FANCA: variants seen among roughly 807,000 people sequenced by gnomAD.
FANCA encodes the protein FA complementation group A.
A neutral mutation model predicts 194.3 loss-of-function variants in FANCA; 236 were observed. The observed-to-expected ratio is 1.21, with a 90% CI of 1.09 to 1.35. The LOEUF (loss-of-function observed/expected upper bound fraction) is 1.35. FANCA is among the 40% of genes most tolerant of loss of function. The pLI is 0.00. For synonymous variants in FANCA, 1,014 were observed against 715.8 expected (o/e 1.42, Z -6.65); for missense variants, 2,628 against 1,813.9 (o/e 1.45, Z -8.15).
chr16:89,813,305 T>A (rs12709099), intron 3 of FANCA, among the ~76,000 whole-genome samples: 1 of 151,212 alleles, frequency 6.6e-6, no homozygotes, highest in African/African-American at 2.4e-5. Flanking sequence ...CTACTCAAGA[T>A]GCTGGGGTGG....
At chr16:89,805,085 G>A (rs1188779115) in intron 7 of FANCA, among the ~76,000 whole-genome samples, 195 bp downstream of exon 7, 1 of 152,086 alleles carries the variant, frequency 6.6e-6, no homozygotes, top group Non-Finnish European at 1.5e-5. Context: ...TGTCAAGGCC[G>A]ACTTACTAGT....
At chr16:89,770,830 C>G (rs564471570) in intron 23 of FANCA, among the ~76,000 whole-genome samples, 196 bp from the exon 24 acceptor site, 1 of 152,278 alleles carries the variant, frequency 6.6e-6, no homozygotes, top group South Asian at 2.1e-4. Context: ...AATAGCAGCC[C>G]TCAAGTAATC....
chr16:89,768,969 GCCTAGGAGGGACTCTGTAT>G (rs1267960288), intron 26 of FANCA, among the ~76,000 whole-genome samples: 1 of 152,070 alleles, frequency 6.6e-6, no homozygotes, highest in Non-Finnish European at 1.5e-5. Flanking sequence ...GTGGCCAAGC[GCCTAGGAGGGACTCTGTAT>G]CCCCGGAGTA....
chr16:89,799,112 T>A, intron 10 of FANCA, 54 bp downstream of exon 10: 1 of 1,614,144 alleles, frequency 6.2e-7, no homozygotes, highest in Non-Finnish European at 8.5e-7. Flanking sequence ...GGCTCTTTAA[T>A]TTGGCAGACA....
In FANCA at chr16:89,778,702, A is replaced by T. The variant is rs7187436; in HGVS notation, c.1826+99T>A. ...GCCAATATTTTACCAATAAAACACAATAGTGGTCTAACAAATTTCTCTACA... is the reference window on the plus strand; with the variant it reads ...GCCAATATTTTACCAATAAAACACATTAGTGGTCTAACAAATTTCTCTACA... On this transcript the variant is annotated intron_variant, in intron 20 of 42. Transcript: ENST00000389301. 0.44 allele frequency: 468,189 copies of T among 1,052,874 alleles called. 118,840 individuals are homozygous for T. The highest frequency in any genetic ancestry group is 0.98 in the East Asian group (40,675 of 41,512). The allele number at this position is 1,052,874 out of a possible 1,614,324, so 65.2% of individuals were successfully genotyped here.
chr16:89,805,176 G>C, intron 7 of FANCA, 104 bp downstream of exon 7: 1 of 877,528 alleles, frequency 1.1e-6, no homozygotes, highest in African/African-American at 1.7e-5. Context: ...CCACGGCCAC[G>C]GAGAGACAGG....
chr16:89,798,841 C>A, intron 10 of FANCA: 1 of 1,501,362 alleles, frequency 6.7e-7, no homozygotes. Flanking sequence ...GAATCACACC[C>A]AGGGAAGGAG....
intron 12 of FANCA, 106 bp from the exon 13 acceptor site, chr16:89,792,174 C>G: frequency 7.5e-7 from 1 of 1,331,842 alleles, no homozygotes; most frequent in Non-Finnish European, 1.1e-6. Context: ...CCCTCACTTC[C>G]CACTGCAAAG....
intron 11 of FANCA, among the ~76,000 whole-genome samples, chr16:89,794,691 C>T (rs1443728746): frequency 6.6e-6 from 1 of 152,138 alleles, no homozygotes; most frequent in Non-Finnish European, 1.5e-5. Flanking sequence ...CCTCATCTCC[C>T]ACCAGTTTCC....
In FANCA at chr16:89,748,652, C is replaced by A. The variant is rs185527578; in HGVS notation, c.3348+7G>T. 678 of 1,609,346 alleles carry A rather than the reference C, an allele frequency of 4.2e-4. 2 individuals carry two copies. The highest frequency in any genetic ancestry group is 1.5e-3 in the Middle Eastern group (9 of 6,054). ...ATCGGACGGACACGTGCACACGGGG[C>A]ACCTACCATCTCAGAGTTGACCAAG... On this transcript the variant is annotated splice_region_variant and intron_variant, in intron 33 of 42. Coordinates refer to ENST00000389301, the MANE Select transcript of FANCA (RefSeq NM_000135.4).
At chr16:89,807,807 C>T (rs567863745) in intron 6 of FANCA, among the ~76,000 whole-genome samples, 6 of 152,188 alleles carry the variant, frequency 3.9e-5, no homozygotes, top group South Asian at 4.2e-4. Context: ...GGCGTGAACC[C>T]GGGAGGTGGA....
chr16:89,749,963 G>C (rs1372991864), intron 31 of FANCA, 61 bp from the exon 32 acceptor site: 3 of 1,583,354 alleles, frequency 1.9e-6, no homozygotes, highest in African/African-American at 2.7e-5. Context: ...AGCCAGTCGG[G>C]GACCCAGACG....
intron 35 of FANCA, 142 bp from the exon 36 acceptor site, chr16:89,745,213 AT>A: frequency 2.6e-6 from 2 of 763,306 alleles, no homozygotes; most frequent in Non-Finnish European, 4.5e-6. Context: ...CAAAGCCAGT[AT>A]TTTTTACGTC....
At chr16:89,801,883 G>A (rs117750741) in intron 8 of FANCA, among the ~76,000 whole-genome samples, 2,277 of 151,546 alleles carry the variant, frequency 0.015, 72 homozygotes, top group Admixed American at 0.055. Context: ...GAGAGACACC[G>A]TCTCAAAAAA....
Position 89,770,132 on chromosome 16 carries a change from C to T in FANCA, c.2316+34G>A, listed in dbSNP as rs756423323. 2.8e-5 allele frequency: 44 copies of T among 1,572,138 alleles called. No homozygotes were observed. In the Middle Eastern group the frequency reaches 5.0e-4, roughly 18 times the overall value. On this transcript the variant is annotated intron_variant, in intron 25 of 42. Coordinates refer to ENST00000389301, the MANE Select transcript of FANCA (RefSeq NM_000135.4). ...TAGCAGCCTGGCCCTCAGAGTGGGCCCCCAAGGGTGGCCCCCATGAAGGAG... is the reference window on the plus strand; with the variant it reads ...TAGCAGCCTGGCCCTCAGAGTGGGCTCCCAAGGGTGGCCCCCATGAAGGAG...
rs769995042 is a variant in FANCA, at chr16:89,738,174, G to A, written c.*427C>T. 3.8e-5 allele frequency: 62 copies of A among 1,612,688 alleles called. No individual in the cohort carries two copies. The highest frequency in any genetic ancestry group is 3.1e-4 in the East Asian group (14 of 44,812). ...AGGACAAGGCCCTGCCCCTGGAGGCGGAACCACCACCTGGGCCACCGAGCC... is the reference window on the plus strand; with the variant it reads ...AGGACAAGGCCCTGCCCCTGGAGGCAGAACCACCACCTGGGCCACCGAGCC... On this transcript the variant is annotated 3_prime_UTR_variant, in exon 43 of 43. Coordinates refer to ENST00000389301, the MANE Select transcript of FANCA (RefSeq NM_000135.4).
chr16:89,816,076 C>A, intron 1 of FANCA, 90 bp from the exon 2 acceptor site: 1 of 941,168 alleles, frequency 1.1e-6, no homozygotes, highest in Non-Finnish European at 1.7e-6. Context: ...GCGGAGAAAC[C>A]CACCAGCGAC....
chr16:89,741,002 T>C (rs2062119695), intron 37 of FANCA, 136 bp from the exon 38 acceptor site: 5 of 792,488 alleles, frequency 6.3e-6, no homozygotes, highest in Admixed American at 2.1e-5. Flanking sequence ...CTTAGAAAAC[T>C]TTCCAATCAC....
Position 89,738,138 on chromosome 16 carries a change from GAC to G in FANCA, c.*461_*462del. On this transcript the variant is annotated 3_prime_UTR_variant, in exon 43 of 43. Transcript: ENST00000389301. ...TACACATGTCCATGGTGCACCCGCT[GAC>G]ACAGACCCAGGACAAGGCCCTGCCC... is the stretch of plus-strand genomic sequence containing the variant. The G allele has an allele frequency of 3.7e-6, 6 of 1,613,676 alleles. No homozygotes were observed. The highest frequency in any genetic ancestry group is 5.1e-6 in the Non-Finnish European group (6 of 1,180,010).
Sources: allele counts gnomAD v4.1 joint callset (sites outside exome capture counted in the v4.1 genomes callset), GRCh38; gene constraint gnomAD v4.1.1; transcripts MANE v1.5; gene names NCBI Gene and HGNC (gene_info 2026-07-23, HGNC 2026-07-21).